Variants in DNAJC24 observed in about 807,000 individuals in gnomAD.
DNAJC24 encodes DnaJ heat shock protein family (Hsp40) member C24.
In DNAJC24, 17 loss-of-function variants were observed where a neutral mutation model predicts 18.0. The observed-to-expected ratio is 0.94, with a 90% CI of 0.65 to 1.42. DNAJC24 has a LOEUF of 1.42. Among genes scored for constraint, DNAJC24 ranks in the 40% most tolerant of loss-of-function variants. The pLI, the probability that DNAJC24 is intolerant of heterozygous loss-of-function variation, is 0.00. For synonymous variants in DNAJC24, 55 were observed against 57.7 expected (o/e 0.95, Z 0.21); for missense variants, 158 against 175.6 (o/e 0.90, Z 0.57).
chr11:31,410,389 T>G (rs1439584766), intron 2 of DNAJC24, among the ~76,000 whole-genome samples: 1 of 152,228 alleles, frequency 6.6e-6, no homozygotes, highest in Non-Finnish European at 1.5e-5. Context: ...TTTTGTCTTT[T>G]TATCATTGAT....
At chr11:31,422,907 A>T (rs566628278) in intron 3 of DNAJC24, among the ~76,000 whole-genome samples, 1 of 152,168 alleles carries the variant, frequency 6.6e-6, no homozygotes, top group Non-Finnish European at 1.5e-5. Flanking sequence ...TCAACAAAGG[A>T]TCTTGGTCAC....
intron 2 of DNAJC24, among the ~76,000 whole-genome samples, chr11:31,389,200 A>G (rs1952462148): frequency 6.6e-6 from 1 of 152,178 alleles, no homozygotes. Context: ...AACTCTCCAA[A>G]ACGAAATACT....
intron 2 of DNAJC24, among the ~76,000 whole-genome samples, chr11:31,397,080 T>A (rs111511664): frequency 2.0e-5 from 3 of 152,190 alleles, no homozygotes; most frequent in Admixed American, 6.5e-5. Flanking sequence ...GTGAAAACTT[T>A]CTCATGCTGT....
chr11:31,383,283 A>G (rs531071722), intron 2 of DNAJC24, among the ~76,000 whole-genome samples: 1 of 151,870 alleles, frequency 6.6e-6, no homozygotes, highest in East Asian at 1.9e-4. Flanking sequence ...CAACCCTCCA[A>G]TCATGCTTTA....
At chr11:31,384,230 C>A (rs2133472816) in intron 2 of DNAJC24, among the ~76,000 whole-genome samples, 1 of 152,312 alleles carries the variant, frequency 6.6e-6, no homozygotes, top group Non-Finnish European at 1.5e-5. Context: ...CAAAGAACTT[C>A]TTGAACTAAT....
Position 31,370,773 on chromosome 11 carries a change from A to G in DNAJC24, c.25A>G (p.Lys9Glu), listed in dbSNP as rs779068747. Residue 9 changes from lysine (K) to glutamate (E), a missense_variant, in exon 2 of 5, where the codon AAA becomes GAA. By Grantham distance (56) the Lys-to-Glu change is moderately conservative (BLOSUM62 1). Transcript: ENST00000465995. The part of the protein sequence containing the change: MMAVEQMP[K>E]KDWYSILGAD... Reference sequence around the variant, plus strand: ...GATGATGGCGGTTGAGCAGATGCCAAAAAAGGATTGGTACAGCATCCTGGG... The same window carrying G: ...GATGATGGCGGTTGAGCAGATGCCAGAAAAGGATTGGTACAGCATCCTGGG... 5.0e-6 allele frequency: 8 copies of G among 1,610,366 alleles called. No homozygotes were observed. The highest frequency in any genetic ancestry group is 1.1e-5 in the South Asian group (1 of 89,854).
At position 31,432,632 on chromosome 11, in the gene DNAJC24, C is replaced by T. The variant is rs1952948036; in HGVS notation, c.*2231C>T. On this transcript the variant is annotated 3_prime_UTR_variant, in exon 5 of 5. Transcript: ENST00000465995. ...GTAATGTTATAGTATCATCATATTC[C>T]CTTTTGCTATCTGTCCCTTTTCTCT... The T allele has an allele frequency of 1.0e-5, 11 of 1,075,440 alleles. No individual in the cohort carries two copies. The highest frequency in any genetic ancestry group is 2.9e-6 in the Non-Finnish European group (2 of 691,448). 66.6% of individuals were successfully genotyped at this position (1,075,440 alleles called of 1,614,324 possible).
At chr11:31,423,515 C>G (rs778044617) in intron 3 of DNAJC24, among the ~76,000 whole-genome samples, 10 of 152,184 alleles carry the variant, frequency 6.6e-5, no homozygotes, top group Admixed American at 5.9e-4. Context: ...CCCGCCTCGG[C>G]CTCCCAGAGT....
chr11:31,379,209 G>A (rs1207107372), intron 2 of DNAJC24, among the ~76,000 whole-genome samples: 1 of 152,102 alleles, frequency 6.6e-6, no homozygotes, highest in South Asian at 2.1e-4. Flanking sequence ...CAGGTGGTGC[G>A]GAGCCAGTGT....
At chr11:31,382,590 A>G (rs1952386802) in intron 2 of DNAJC24, among the ~76,000 whole-genome samples, 1 of 152,210 alleles carries the variant, frequency 6.6e-6, no homozygotes, top group Non-Finnish European at 1.5e-5. Flanking sequence ...ATTATTGTAT[A>G]TGTAATGCAA....
intron 4 of DNAJC24, chr11:31,426,989 G>A (rs1952869106): frequency 1.3e-5 from 2 of 151,888 alleles, no homozygotes; most frequent in African/African-American, 4.8e-5. Context: ...AATTGTTCTG[G>A]TTAGACATCA....
At chr11:31,391,467 G>A (rs949536984) in intron 2 of DNAJC24, among the ~76,000 whole-genome samples, 1 of 152,126 alleles carries the variant, frequency 6.6e-6, no homozygotes. Flanking sequence ...TTTCTTCAAA[G>A]AAGATGTACA....
chr11:31,414,755 C>G (rs1952738067), intron 2 of DNAJC24, 56 bp from the exon 3 acceptor site: 1 of 1,524,096 alleles, frequency 6.6e-7, no homozygotes, highest in Admixed American at 2.2e-5. Flanking sequence ...TTTTTTAAAT[C>G]TAACCCCACT....
At chr11:31,401,991 C>T (rs1351372158) in intron 2 of DNAJC24, among the ~76,000 whole-genome samples, 2 of 152,184 alleles carry the variant, frequency 1.3e-5, no homozygotes, top group African/African-American at 4.8e-5. Context: ...TTGGTTTTGA[C>T]TAGATACAGC....
intron 2 of DNAJC24, among the ~76,000 whole-genome samples, chr11:31,376,959 T>C (rs1328652556): frequency 6.6e-6 from 1 of 152,158 alleles, no homozygotes; most frequent in Non-Finnish European, 1.5e-5. Flanking sequence ...GAAAAGCATA[T>C]TATTTATAAT....
intron 2 of DNAJC24, among the ~76,000 whole-genome samples, chr11:31,405,104 A>T: frequency 7.2e-6 from 1 of 139,586 alleles, no homozygotes; most frequent in Admixed American, 7.8e-5. Flanking sequence ...CAGAGTCTCC[A>T]CTCTGTTGCT....
At chr11:31,398,227 T>A (rs1055334639) in intron 2 of DNAJC24, among the ~76,000 whole-genome samples, 4 of 152,164 alleles carry the variant, frequency 2.6e-5, no homozygotes, top group Non-Finnish European at 5.9e-5. Flanking sequence ...TCTTTTTTTT[T>A]TCCCTGTCAG....
intron 2 of DNAJC24, chr11:31,374,321 G>C: frequency 7.0e-6 from 1 of 141,978 alleles, no homozygotes; most frequent in Non-Finnish European, 1.6e-5. Context: ...AAATTTGTTA[G>C]ATCCTTTTTT....
intron 2 of DNAJC24, among the ~76,000 whole-genome samples, chr11:31,403,419 A>G (rs1431925313): frequency 6.6e-6 from 1 of 152,236 alleles, no homozygotes; most frequent in African/African-American, 2.4e-5. Flanking sequence ...ATGCAAAGAC[A>G]TACATCAACA....
Sources: gnomAD v4.1 joint callset for allele counts (sites outside exome capture counted in the v4.1 genomes callset) on GRCh38, gnomAD v4.1.1 for gene constraint, MANE v1.5 for transcripts, NCBI Gene and HGNC (gene_info 2026-07-23, HGNC 2026-07-21) for gene names.